LRRC36: variants seen among roughly 807,000 people sequenced by gnomAD.
LRRC36 encodes the protein leucine-rich repeat-containing protein 36.
A neutral mutation model predicts 81.1 loss-of-function variants in LRRC36; 62 were observed. The ratio of observed to expected loss-of-function variants is 0.76; its 90% CI spans 0.62 to 0.94. The LOEUF is 0.94. Among genes scored for constraint, LRRC36 ranks in the 40% least tolerant of loss-of-function variants. LRRC36 has a pLI of 0.00. For missense variants in LRRC36, 761 were observed against 881.7 expected (o/e 0.86, Z 1.73); for synonymous variants, 334 against 348.6 (o/e 0.96, Z 0.47).
At chr16:67,378,373 G>A (rs995458127) in intron 11 of LRRC36, among the ~76,000 whole-genome samples, 1 of 150,958 alleles carries the variant, frequency 6.6e-6, no homozygotes, top group Non-Finnish European at 1.5e-5. Context: ...CCGAGTAGCT[G>A]GGGTTACGGG....
chr16:67,334,190 C>T (rs2037641999), intron 1 of LRRC36, among the ~76,000 whole-genome samples: 1 of 151,754 alleles, frequency 6.6e-6, no homozygotes, highest in Non-Finnish European at 1.5e-5. Flanking sequence ...TGCCACTGTG[C>T]CCGGCTAATT....
chr16:67,338,186 ATATT>A (rs950632453), intron 1 of LRRC36, among the ~76,000 whole-genome samples: 1 of 152,118 alleles, frequency 6.6e-6, no homozygotes, highest in African/African-American at 2.4e-5. Flanking sequence ...AAAATTTAAA[ATATT>A]TATTAATTTA....
At chr16:67,376,701 G>A in intron 10 of LRRC36, 26 bp from the exon 11 acceptor site, 2 of 1,604,428 alleles carry the variant, frequency 1.2e-6, no homozygotes, top group South Asian at 2.2e-5. Context: ...AGATTGGCCT[G>A]TGTGCCCATC....
intron 5 of LRRC36, among the ~76,000 whole-genome samples, chr16:67,355,697 T>TTTTA (rs2038874195): frequency 6.6e-6 from 1 of 152,200 alleles, no homozygotes; most frequent in African/African-American, 2.4e-5. Context: ...TTTTATATAC[T>TTTTA]GAGTTTAGTT....
intron 1 of LRRC36, 154 bp downstream of exon 1, chr16:67,327,086 G>T: frequency 1.5e-6 from 1 of 678,448 alleles, no homozygotes; most frequent in South Asian, 2.3e-5. Context: ...ACTTGAGGCA[G>T]AAGGTTAGAG....
At chr16:67,348,442 T>C (rs1399205179) in intron 4 of LRRC36, 1 of 152,176 alleles carries the variant, frequency 6.6e-6, no homozygotes, top group African/African-American at 2.4e-5. Flanking sequence ...AAACATTCAT[T>C]ATATTCTGGT....
At chr16:67,371,428 C>A in intron 9 of LRRC36, 186 bp downstream of exon 9, 1 of 649,144 alleles carries the variant, frequency 1.5e-6, no homozygotes, top group East Asian at 2.8e-5. Context: ...GAAAGTCATT[C>A]CCCCACTGCT....
chr16:67,341,885 G>A, intron 1 of LRRC36, 72 bp from the exon 2 acceptor site: 1 of 1,297,160 alleles, frequency 7.7e-7, no homozygotes, highest in South Asian at 1.5e-5. Flanking sequence ...GAGGAAGAAA[G>A]GCCTACTTTC....
chr16:67,349,386 A>G (rs2038509685), intron 4 of LRRC36, among the ~76,000 whole-genome samples: 1 of 151,724 alleles, frequency 6.6e-6, no homozygotes, highest in Non-Finnish European at 1.5e-5. Context: ...GGGGCCTTTT[A>G]TGATTACATG....
Position 67,346,305 on chromosome 16 carries a change from A to G in LRRC36, c.248A>G (p.Asn83Ser), listed in dbSNP as rs752228471. The G allele has an allele frequency of 1.2e-6, 2 of 1,611,702 alleles. No homozygotes were observed. Among genetic ancestry groups the G allele is most frequent in the Non-Finnish European group, 1.7e-6 (2 of 1,178,240 alleles). ...CAAGACCTGAATTTATATTATAACA[A>G]CATTCCTTCATTAGTGGAAGTGTCC... ...SLQDLNLYYN[N>S]IPSLVEVSRL... Residue 83 changes from asparagine (N) to serine (S), a missense_variant, in exon 3 of 14, where the codon AAC becomes AGC. By Grantham distance (46) the Asn-to-Ser change is conservative (BLOSUM62 1). This residue lies in a region of LRRC36 where 263 missense variants were observed against 279.3 expected (regional missense o/e 0.94). Transcript: ENST00000329956.
At chr16:67,330,967 T>G (rs2037453927) in intron 1 of LRRC36, among the ~76,000 whole-genome samples, 1 of 151,990 alleles carries the variant, frequency 6.6e-6, no homozygotes, top group African/African-American at 2.4e-5. Context: ...ATTTGGCTCA[T>G]GGTTCTGGAG....
intron 1 of LRRC36, among the ~76,000 whole-genome samples, chr16:67,335,763 G>C (rs60932461): frequency 0.028 from 4,186 of 149,230 alleles, 60 homozygotes; most frequent in South Asian, 0.032. Context: ...ACAGACTTTC[G>C]CTGTTGTTGC....
intron 1 of LRRC36, among the ~76,000 whole-genome samples, chr16:67,340,857 A>G (rs1394655030): frequency 6.8e-6 from 1 of 147,074 alleles, no homozygotes; most frequent in Non-Finnish European, 1.5e-5. Flanking sequence ...CATATACTCT[A>G]TAGAATATAT....
At chr16:67,381,976 T>C (rs997628141) in intron 12 of LRRC36, among the ~76,000 whole-genome samples, 157 bp from the exon 13 acceptor site, 2 of 152,224 alleles carry the variant, frequency 1.3e-5, no homozygotes, top group African/African-American at 2.4e-5. Flanking sequence ...CCTGTATTCT[T>C]GCCACCATAT....
At chr16:67,356,442 C>T (rs968136092) in intron 5 of LRRC36, among the ~76,000 whole-genome samples, 3 of 152,104 alleles carry the variant, frequency 2.0e-5, no homozygotes, top group Non-Finnish European at 2.9e-5. Context: ...TGACAGTCTA[C>T]GGCTGTCATG....
chr16:67,334,408 T>G (rs1387761421), intron 1 of LRRC36, among the ~76,000 whole-genome samples: 1 of 151,982 alleles, frequency 6.6e-6, no homozygotes, highest in Admixed American at 6.6e-5. Flanking sequence ...CACAGCAACC[T>G]CCGCCTCCTG....
intron 13 of LRRC36, among the ~76,000 whole-genome samples, chr16:67,383,149 A>G (rs1044699159): frequency 2.0e-5 from 3 of 151,450 alleles, no homozygotes; most frequent in Non-Finnish European, 2.9e-5. Context: ...CTTCAAGACT[A>G]TGGCTACATT....
chr16:67,361,847 A>G (rs2039160161), intron 5 of LRRC36, among the ~76,000 whole-genome samples: 2 of 152,154 alleles, frequency 1.3e-5, no homozygotes, highest in South Asian at 4.1e-4. Context: ...AATTATAGGT[A>G]TGAGCCACCA....
Position 67,326,852 on chromosome 16 carries a change from G to A in LRRC36, c.-11G>A, listed in dbSNP as rs1480837597. 1.3e-5 allele frequency: 19 copies of A among 1,428,284 alleles called. No homozygotes were observed. The highest frequency in any genetic ancestry group is 1.6e-5 in the Non-Finnish European group (18 of 1,100,336). The allele number at this position is 1,428,284 out of a possible 1,614,324, so 88.5% of individuals were successfully genotyped here. On this transcript the variant is annotated 5_prime_UTR_variant, in exon 1 of 14. Coordinates refer to ENST00000329956, the MANE Select transcript of LRRC36 (RefSeq NM_018296.6). ...GTCTCGCGGGCGGTGGCAGGTGAGC[G>A]GCGGGCGGGGATGGCGGAGCAATGG...
Sources: allele counts gnomAD v4.1 joint callset (sites outside exome capture counted in the v4.1 genomes callset), GRCh38; gene constraint gnomAD v4.1.1; regional missense constraint gnomAD v4.1.1; transcripts MANE v1.5; gene names NCBI Gene and HGNC (gene_info 2026-07-23, HGNC 2026-07-21).